ARRDC3: variants seen among roughly 807,000 people sequenced by gnomAD.
ARRDC3 encodes the protein arrestin domain containing 3.
ARRDC3 carries 10 observed loss-of-function variants against 47.2 expected under a neutral mutation model. That is an observed-to-expected ratio of 0.21 (90% CI 0.13 to 0.36). The LOEUF (loss-of-function observed/expected upper bound fraction) is 0.36. ARRDC3 is among the 10% of genes least tolerant of loss of function. The pLI is 1.00. For missense variants in ARRDC3, 381 were observed against 503.6 expected (o/e 0.76, Z 2.33); for synonymous variants, 156 against 178.3 (o/e 0.87, Z 1.00).
intron 1 of ARRDC3, chr5:91,380,413 G>T (rs1799424452): frequency 6.6e-6 from 1 of 152,204 alleles, no homozygotes; most frequent in Admixed American, 6.5e-5. Flanking sequence ...TTTAGTTTCG[G>T]CAAGGGATAT....
intron 6 of ARRDC3, 124 bp downstream of exon 6, chr5:91,373,990 G>A (rs1799241707): frequency 7.1e-6 from 10 of 1,411,876 alleles, no homozygotes; most frequent in Non-Finnish European, 9.7e-6. Flanking sequence ...CTGAATATTA[G>A]GGGCACATCT....
At chr5:91,377,887 C>G (rs1799342403) in intron 2 of ARRDC3, among the ~76,000 whole-genome samples, 1 of 151,996 alleles carries the variant, frequency 6.6e-6, no homozygotes, top group African/African-American at 2.4e-5. Context: ...ATCTCAAGCA[C>G]TAGAATTAAC....
rs377395596 is a variant in ARRDC3, at chr5:91,374,096, C to T, written c.1033+18G>A. 3.3e-4 allele frequency: 536 copies of T among 1,608,342 alleles called. No homozygotes were observed. Among genetic ancestry groups the T allele is most frequent in the Non-Finnish European group, 4.3e-4 (506 of 1,177,356 alleles). On this transcript the variant is annotated intron_variant, in intron 6 of 7. Coordinates refer to ENST00000265138, the MANE Select transcript of ARRDC3 (RefSeq NM_020801.4). ...ATAGTAGTAAGAGATTAAGCTTAGA[C>T]GTGTATTATCAAATTACCTTCAGGT...
At chr5:91,374,833 C>A in intron 5 of ARRDC3, 89 bp downstream of exon 5, 2 of 1,352,590 alleles carry the variant, frequency 1.5e-6, no homozygotes, top group African/African-American at 2.9e-5. Flanking sequence ...TGTAGCGGAG[C>A]TGAGACTGTG....
rs1799481288 is a variant in ARRDC3 at position 91,382,836 on chromosome 5, T to C, written c.257A>G (p.Asp86Gly). ...ACCTCTTTCGTGCCCAATTAAGATGTCTTTATGGTTGAAATACTCTACTTC... is the reference window on the plus strand; with the variant it reads ...ACCTCTTTCGTGCCCAATTAAGATGCCTTTATGGTTGAAATACTCTACTTC... Reference protein sequence around the residue: ...TEEVEYFNHKDILIGHERDDD... With the variant: ...TEEVEYFNHKGILIGHERDDD... Residue 86 changes from aspartate (D) to glycine (G), a missense_variant, in exon 1 of 8, where the codon GAC becomes GGC. Transcript: ENST00000265138. The C allele has an allele frequency of 6.2e-7, 1 of 1,613,436 alleles. No homozygotes were observed. Among genetic ancestry groups the C allele is most frequent in the Non-Finnish European group, 8.5e-7 (1 of 1,179,812 alleles).
chr5:91,381,288 C>T (rs1036513309), intron 1 of ARRDC3, among the ~76,000 whole-genome samples: 29 of 152,184 alleles, frequency 1.9e-4, no homozygotes, highest in African/African-American at 6.5e-4. Flanking sequence ...TATTTGTCCT[C>T]ACATCTCGTT....
chr5:91,383,171 A>G lies in ARRDC3; in HGVS notation c.-79T>C, dbSNP rs1438943501. Reference sequence around the variant, plus strand: ...ATATAAAATGTGATCTTCACTTAACACTGATCGATATTTTTGCCGTGCAAA... The same window carrying G: ...ATATAAAATGTGATCTTCACTTAACGCTGATCGATATTTTTGCCGTGCAAA... On this transcript the variant is annotated 5_prime_UTR_variant, in exon 1 of 8. Transcript: ENST00000265138. The G allele has an allele frequency of 7.7e-7, 1 of 1,301,018 alleles. No homozygotes were observed. The highest frequency in any genetic ancestry group is 1.5e-5 in the African/African-American group (1 of 66,714). The allele number at this position is 1,301,018 out of a possible 1,614,324, so 80.6% of individuals were successfully genotyped here.
intron 2 of ARRDC3, 55 bp from the exon 3 acceptor site, chr5:91,376,823 C>G: frequency 2.0e-6 from 3 of 1,487,248 alleles, no homozygotes; most frequent in Non-Finnish European, 1.8e-6. Flanking sequence ...CTAACAATTA[C>G]ACAGTAGGTC....
intron 1 of ARRDC3, among the ~76,000 whole-genome samples, chr5:91,379,357 T>A: frequency 6.7e-6 from 1 of 150,178 alleles, no homozygotes; most frequent in East Asian, 1.9e-4. Flanking sequence ...AAAATAATTA[T>A]TTATTGAACT....
At chr5:91,376,423 T>C (rs541772873) in intron 3 of ARRDC3, 198 bp downstream of exon 3, 6 of 518,802 alleles carry the variant, frequency 1.2e-5, no homozygotes, top group East Asian at 6.9e-5. Context: ...CTTAAAGGTA[T>C]ACTACAATGT....
intron 1 of ARRDC3, chr5:91,380,289 T>C (rs572517501): frequency 6.5e-6 from 1 of 152,926 alleles, no homozygotes; most frequent in East Asian, 1.9e-4. Flanking sequence ...CTCGCGCCCG[T>C]GCCCGCGCAA....
intron 1 of ARRDC3, among the ~76,000 whole-genome samples, chr5:91,381,385 G>A (rs1379119298): frequency 6.6e-6 from 1 of 152,122 alleles, no homozygotes; most frequent in African/African-American, 2.4e-5. Flanking sequence ...GCAATATTCA[G>A]AAAGGTACAA....
At position 91,373,783 on chromosome 5, in the gene ARRDC3, T is replaced by G. The variant is rs1165956249; in HGVS notation, c.1089A>C (p.Ala363=). The change falls in exon 7 of 8, where the codon GCA becomes GCC. Residue 363 remains alanine (A), a synonymous_variant. Coordinates refer to ENST00000265138, the MANE Select transcript of ARRDC3 (RefSeq NM_020801.4). ...VTEEQRRNNL[A]PVSACDDFER... Reference sequence around the variant, plus strand: ...CAAAGTCATCACAAGCACTCACTGGTGCAAGATTGTTCCGCCTTTGTTCCT... The same window carrying G: ...CAAAGTCATCACAAGCACTCACTGGGGCAAGATTGTTCCGCCTTTGTTCCT... The G allele has an allele frequency of 4.3e-6, 7 of 1,614,116 alleles. No homozygotes were observed. In the South Asian group the frequency reaches 6.6e-5, roughly 15 times the overall value.
At chr5:91,379,967 A>G (rs1450623796) in intron 1 of ARRDC3, 2 of 152,166 alleles carry the variant, frequency 1.3e-5, no homozygotes, top group African/African-American at 4.8e-5. Flanking sequence ...CGGATTTCAG[A>G]ACCAAAAACT....
In ARRDC3 at chr5:91,373,812, T is replaced by C; in HGVS notation, c.1060A>G (p.Thr354Ala). ...EAPPSYAEVV[T>A]EEQRRNNLAP... is the part of the protein sequence containing the mutation. ...AGATTGTTCCGCCTTTGTTCCTCTG[T>C]TACCACTTCTGCATAGCTGGGTGGT... Residue 354 changes from threonine to alanine, a missense_variant, in exon 7 of 8, where the codon ACA becomes GCA. By Grantham distance (58) the Thr-to-Ala change is moderately conservative. Coordinates refer to ENST00000265138, the MANE Select transcript of ARRDC3 (RefSeq NM_020801.4). 1.2e-6 allele frequency: 2 copies of C among 1,614,094 alleles called. No individual in the cohort carries two copies. Among genetic ancestry groups the C allele is most frequent in the Non-Finnish European group, 1.7e-6 (2 of 1,179,956 alleles).
Position 91,374,143 on chromosome 5 carries a change from A to T in ARRDC3, c.1004T>A (p.Leu335His). Reference protein sequence around the residue: ...SSQCSMNMNWLSLSLPERPEA... With the variant: ...SSQCSMNMNWHSLSLPERPEA... ...AGGTCTTTCAGGAAGTGATAAACTGAGCCAGTTCATATTCATGCTACACTG... is the reference window on the plus strand; with the variant it reads ...AGGTCTTTCAGGAAGTGATAAACTGTGCCAGTTCATATTCATGCTACACTG... Residue 335 changes from leucine to histidine, a missense_variant, in exon 6 of 8, where the codon CTC becomes CAC. Transcript: ENST00000265138. 5 of 1,613,946 alleles carry T rather than the reference A, an allele frequency of 3.1e-6. No homozygotes were observed. The highest frequency in any genetic ancestry group is 4.2e-6 in the Non-Finnish European group (5 of 1,179,904).
chr5:91,375,172 G>T lies in ARRDC3; in HGVS notation c.620C>A (p.Ser207Ter). The T allele has an allele frequency of 1.9e-6, 3 of 1,612,762 alleles. No homozygotes were observed. The highest frequency in any genetic ancestry group is 2.5e-6 in the Non-Finnish European group (3 of 1,179,852). Residue 207 changes from serine to a stop codon, truncating the protein, a stop_gained, in exon 5 of 8, where the codon TCA (serine) becomes TAA (stop). Transcript: ENST00000265138. LOFTEE classifies it high-confidence loss of function. The part of the protein sequence containing the change: ...IERKGYTPGE[S>*]IQIFAEIENC... Reference sequence around the variant, plus strand: ...CTCAATCTCAGCAAATATCTGAATTGATTCACCTAGAGAGGGAAAAATATA... The same window carrying T: ...CTCAATCTCAGCAAATATCTGAATTTATTCACCTAGAGAGGGAAAAATATA...
rs769778786 is a variant in ARRDC3, at chr5:91,382,835, G to A, written c.258C>T (p.Asp86=). The A allele has an allele frequency of 6.2e-7, 1 of 1,613,566 alleles. No individual in the cohort carries two copies. Among genetic ancestry groups the A allele is most frequent in the Admixed American group, 1.7e-5 (1 of 59,944 alleles). Reference sequence around the variant, plus strand: ...TACCTCTTTCGTGCCCAATTAAGATGTCTTTATGGTTGAAATACTCTACTT... The same window carrying A: ...TACCTCTTTCGTGCCCAATTAAGATATCTTTATGGTTGAAATACTCTACTT... ...TEEVEYFNHK[D]ILIGHERDDD... The change falls in exon 1 of 8, where the codon GAC becomes GAT. Residue 86 remains aspartate, a synonymous_variant. Coordinates refer to ENST00000265138, the MANE Select transcript of ARRDC3 (RefSeq NM_020801.4).
intron 1 of ARRDC3, chr5:91,380,206 C>T (rs1171330412): frequency 6.1e-6 from 1 of 164,824 alleles, no homozygotes; most frequent in Non-Finnish European, 1.3e-5. Flanking sequence ...CCCAGCCGGC[C>T]TGCCCGCGCG....
Sources: gnomAD v4.1 joint callset for allele counts (sites outside exome capture counted in the v4.1 genomes callset) on GRCh38, gnomAD v4.1.1 for gene constraint, MANE v1.5 for transcripts, NCBI Gene and HGNC (gene_info 2026-07-23, HGNC 2026-07-21) for gene names.